Variants in NDUFAF6 observed in about 807,000 individuals in gnomAD.
The protein encoded by NDUFAF6 is NADH:ubiquinone oxidoreductase complex assembly factor 6.
Under a neutral mutation model 40.8 loss-of-function variants are expected in NDUFAF6, and 45 were observed. The ratio of observed to expected loss-of-function variants is 1.10; its 90% CI spans 0.87 to 1.42. The LOEUF (loss-of-function observed/expected upper bound fraction) is 1.42, where lower values mean the gene tolerates loss of function less well. NDUFAF6 is among the 40% of genes most tolerant of loss of function. NDUFAF6 has a pLI of 0.00. For missense variants in NDUFAF6, 435 were observed against 418.5 expected (o/e 1.04, Z -0.34); for synonymous variants, 185 against 155.9 (o/e 1.19, Z -1.39).
intron 2 of NDUFAF6, among the ~76,000 whole-genome samples, chr8:95,018,403 ACCT>A (rs1827555464): frequency 6.7e-6 from 1 of 150,314 alleles, no homozygotes; most frequent in Non-Finnish European, 1.5e-5. Flanking sequence ...ACCTCCCATT[ACCT>A]CCTATTCATT....
At chr8:94,939,565 T>G in intron 1 of NDUFAF6, 1 of 327,000 alleles carries the variant, frequency 3.1e-6, no homozygotes, top group South Asian at 2.7e-5. Flanking sequence ...CTGGCTAATT[T>G]TTTGTTATTT....
intron 1 of NDUFAF6, among the ~76,000 whole-genome samples, chr8:94,896,296 C>G (rs1383834509): frequency 1.3e-5 from 2 of 148,372 alleles, no homozygotes; most frequent in Non-Finnish European, 3.0e-5. Flanking sequence ...GCGCGCCCTG[C>G]GGAGCCCGCG....
intron 1 of NDUFAF6, chr8:94,941,110 A>G (rs897136439): frequency 1.7e-5 from 10 of 590,896 alleles, no homozygotes; most frequent in Middle Eastern, 2.6e-4. Context: ...AAACAGAAAA[A>G]GGAAGTTATT....
chr8:94,978,690 G>A (rs75349998), intron 1 of NDUFAF6, among the ~76,000 whole-genome samples: 20,741 of 151,716 alleles, frequency 0.14, 1,678 homozygotes, highest in Middle Eastern at 0.23. Context: ...CTGTAACCTG[G>A]GAGACAAAGC....
chr8:95,100,489 A>G (rs1037050415), exon 1 of NDUFAF6: 6 of 152,164 alleles, frequency 3.9e-5, no homozygotes, highest in African/African-American at 1.4e-4. Flanking sequence ...TGCTTCCTGA[A>G]TATATTATGC....
At chr8:95,056,237 T>A (rs113734991) in intron 8 of NDUFAF6, among the ~76,000 whole-genome samples, 2,657 of 152,132 alleles carry the variant, frequency 0.017, 79 homozygotes, top group African/African-American at 0.059. Context: ...GGATTGTTTT[T>A]TTTTTTTTGA....
chr8:94,985,580 G>A (rs1344842203), intron 2 of NDUFAF6, among the ~76,000 whole-genome samples: 2 of 117,338 alleles, frequency 1.7e-5, no homozygotes, highest in East Asian at 5.2e-4. Flanking sequence ...CTGTCGCCCA[G>A]GCTGGAGTGC....
At chr8:94,942,100 G>A (rs562825916) in intron 1 of NDUFAF6, among the ~76,000 whole-genome samples, 63 of 151,460 alleles carry the variant, frequency 4.2e-4, no homozygotes, top group Non-Finnish European at 7.1e-4. Context: ...GCAGTGAGGC[G>A]ATCTTGGCTC....
intron 1 of NDUFAF6, among the ~76,000 whole-genome samples, chr8:95,031,307 A>G (rs1049663488): frequency 6.6e-6 from 1 of 152,202 alleles, no homozygotes; most frequent in Non-Finnish European, 1.5e-5. Context: ...ACACAGTCCT[A>G]CATGAATTTC....
At chr8:95,108,653 G>A (rs1000978917) in intron 4 of NDUFAF6, among the ~76,000 whole-genome samples, 9 of 152,168 alleles carry the variant, frequency 5.9e-5, no homozygotes, top group African/African-American at 2.2e-4. Flanking sequence ...TGCACACAGT[G>A]TGAATGTACT....
chr8:95,002,365 G>A (rs1445418570), intron 2 of NDUFAF6, among the ~76,000 whole-genome samples: 1 of 152,192 alleles, frequency 6.6e-6, no homozygotes, highest in East Asian at 1.9e-4. Context: ...GCAGAAATGA[G>A]TCTCACCTCT....
intron 2 of NDUFAF6, among the ~76,000 whole-genome samples, chr8:94,992,599 A>G (rs567360385): frequency 2.0e-4 from 30 of 152,322 alleles, no homozygotes; most frequent in African/African-American, 7.2e-4. Flanking sequence ...CTTCCCTTCA[A>G]CCAGTCCCAG....
intron 2 of NDUFAF6, among the ~76,000 whole-genome samples, chr8:94,985,740 T>TGGCC (rs1825852385): frequency 6.6e-6 from 1 of 150,692 alleles, no homozygotes. Context: ...TTCACTATGT[T>TGGCC]GGCCAGTCTG....
At chr8:94,933,771 C>A (rs113212920) in intron 1 of NDUFAF6, among the ~76,000 whole-genome samples, 2,576 of 143,328 alleles carry the variant, frequency 0.018, 85 homozygotes, top group African/African-American at 0.062. Context: ...TCAAAAAAAA[C>A]CCCCAAAAAA....
chr8:95,103,612 C>T (rs1047672119), downstream of NDUFAF6, among the ~76,000 whole-genome samples: 7 of 152,296 alleles, frequency 4.6e-5, 1 homozygote. Flanking sequence ...GACCCTGTTC[C>T]CTGACCTCCT....
chr8:94,983,196 A>G (rs957806297), intron 2 of NDUFAF6, among the ~76,000 whole-genome samples: 7 of 151,534 alleles, frequency 4.6e-5, no homozygotes, highest in African/African-American at 1.5e-4. Flanking sequence ...GGCCCTAACA[A>G]TGTGTTCACA....
chr8:94,918,052 T>G (rs1819254691), intron 1 of NDUFAF6, among the ~76,000 whole-genome samples: 1 of 152,188 alleles, frequency 6.6e-6, no homozygotes, highest in Admixed American at 6.5e-5. Flanking sequence ...GTTCCAAGAC[T>G]TTCTAACTTG....
chr8:95,118,471 A>G (rs996686746), downstream of NDUFAF6, among the ~76,000 whole-genome samples: 4 of 152,142 alleles, frequency 2.6e-5, no homozygotes, highest in Non-Finnish European at 5.9e-5. Flanking sequence ...ACTTTGGGTG[A>G]GAAATAAATT....
At chr8:95,021,719 C>T (rs1827699087), upstream of NDUFAF6, among the ~76,000 whole-genome samples, 1 of 152,180 alleles carries the variant, frequency 6.6e-6, no homozygotes, top group South Asian at 2.1e-4. Context: ...GTTCTTTGAC[C>T]TTTATCTATA....
Sources: gnomAD v4.1 joint callset for allele counts (sites outside exome capture counted in the v4.1 genomes callset) on GRCh38, gnomAD v4.1.1 for gene constraint, MANE v1.5 for transcripts, NCBI Gene and HGNC (gene_info 2026-07-23, HGNC 2026-07-21) for gene names.